The following TOX variants were observed in gnomAD, a reference collection of about 807,000 sequenced individuals.
The protein encoded by TOX is thymocyte selection associated high mobility group box, also known as thymocyte selection-associated high mobility group box protein TOX.
In TOX, 11 loss-of-function variants were observed where a neutral mutation model predicts 53.7. The observed-to-expected ratio is 0.20, with a 90% confidence interval of 0.13 to 0.34. TOX has a LOEUF of 0.34. Among genes scored for constraint, TOX ranks in the 10% least tolerant of loss-of-function variants. The probability of loss-of-function intolerance (pLI) is 1.00; values close to 1 mark genes in which losing one functional copy is unlikely to be tolerated. For missense variants in TOX, 570 were observed against 664.6 expected, an observed-to-expected ratio of 0.86 and a Z score of 1.56; for synonymous variants, 225 against 245.3, an observed-to-expected ratio of 0.92 and a Z score of 0.77.
intron 3 of TOX, among the ~76,000 whole-genome samples, chr8:58,892,668 T>G (rs772533550): frequency 6.6e-6 from 1 of 152,190 alleles, no homozygotes; most frequent in Non-Finnish European, 1.5e-5. Context: ...TTGAGTCACA[T>G]GCAGCCTGTG....
intron 1 of TOX, among the ~76,000 whole-genome samples, chr8:59,049,132 T>G (rs995115026): frequency 5.3e-5 from 8 of 149,986 alleles, no homozygotes; most frequent in African/African-American, 1.9e-4. Context: ...GCTGGTGATA[T>G]AAGAAAACAT....
intron 1 of TOX, among the ~76,000 whole-genome samples, chr8:59,055,290 G>A (rs1245514679): frequency 6.6e-6 from 1 of 152,164 alleles, no homozygotes; most frequent in African/African-American, 2.4e-5. Context: ...TTAGCACACA[G>A]GGACTCAATG....
chr8:59,029,991 TAACTTGC>T (rs1814324335), intron 1 of TOX, among the ~76,000 whole-genome samples: 2 of 152,098 alleles, frequency 1.3e-5, no homozygotes, highest in African/African-American at 4.8e-5. Flanking sequence ...AAAATGGAGG[TAACTTGC>T]AACGTTTGAG....
At chr8:58,878,929 C>A (rs770366473) in intron 3 of TOX, among the ~76,000 whole-genome samples, 3 of 151,684 alleles carry the variant, frequency 2.0e-5, no homozygotes, top group Non-Finnish European at 4.4e-5. Context: ...GGTGTGGTGG[C>A]GCAAACCTGT....
chr8:58,864,471 A>G (rs956110785), intron 3 of TOX, among the ~76,000 whole-genome samples: 4 of 152,206 alleles, frequency 2.6e-5, no homozygotes, highest in South Asian at 2.1e-4. Flanking sequence ...CCAGTCCCCA[A>G]ATATGGGCCT....
At chr8:58,925,808 G>C (rs1401279416) in intron 3 of TOX, among the ~76,000 whole-genome samples, 2 of 152,022 alleles carry the variant, frequency 1.3e-5, no homozygotes, top group Admixed American at 6.6e-5. Flanking sequence ...AGTATACTGC[G>C]CTCTGAGAAA....
chr8:59,096,710 A>G (rs1804716854), intron 1 of TOX, among the ~76,000 whole-genome samples: 1 of 152,204 alleles, frequency 6.6e-6, no homozygotes, highest in Non-Finnish European at 1.5e-5. Context: ...AGACTCGCCT[A>G]TGATTCCTCC....
intron 1 of TOX, among the ~76,000 whole-genome samples, chr8:58,984,588 C>T (rs141534673): frequency 1.6e-3 from 244 of 151,924 alleles, no homozygotes; most frequent in Admixed American, 8.0e-3. Flanking sequence ...GTCAGGAGAT[C>T]GACACCACAG....
intron 3 of TOX, among the ~76,000 whole-genome samples, chr8:58,890,721 G>C (rs2129171845): frequency 6.6e-6 from 1 of 152,222 alleles, no homozygotes; most frequent in South Asian, 2.1e-4. Context: ...AGAGGTGCTA[G>C]CAGAAAACCC....
At chr8:58,935,032 TTG>T (rs1273886593) in intron 3 of TOX, among the ~76,000 whole-genome samples, 9 of 152,222 alleles carry the variant, frequency 5.9e-5, no homozygotes, top group African/African-American at 2.2e-4. Flanking sequence ...GACTAAATTG[TTG>T]ATGTCTAATA....
intron 6 of TOX, among the ~76,000 whole-genome samples, chr8:58,816,367 ATC>A (rs1293040489): frequency 6.6e-6 from 1 of 152,218 alleles, no homozygotes; most frequent in East Asian, 1.9e-4. Context: ...GATAAAAATA[ATC>A]TCTCTTAGAA....
At chr8:59,055,581 T>G (rs569808179) in intron 1 of TOX, among the ~76,000 whole-genome samples, 1 of 152,092 alleles carries the variant, frequency 6.6e-6, no homozygotes, top group Non-Finnish European at 1.5e-5. Context: ...CCACTACATA[T>G]GGGAAATTTA....
intron 3 of TOX, among the ~76,000 whole-genome samples, chr8:58,926,759 A>G (rs1364140577): frequency 6.6e-6 from 1 of 152,194 alleles, no homozygotes; most frequent in African/African-American, 2.4e-5. Context: ...AATGTGGTAA[A>G]TGGCGGAGAC....
At position 59,117,500 on chromosome 8, in the gene TOX, A is replaced by G. The variant is rs1805123380; in HGVS notation, c.102+1386T>C. ...GTCCTTTGAGTGGGTCTCACACTGG[A>G]CACAGCATCGAGGAGCTTCTCCACG... On this transcript the variant is annotated intron_variant, in intron 1 of 8. Coordinates refer to ENST00000361421, the MANE Select transcript of TOX (RefSeq NM_014729.3). The surrounding 1 kb of genome is among the most constrained non-coding windows in gnomAD (Gnocchi z 4.6). Among the ~76,000 whole-genome samples, 1 of 152,204 alleles carries G rather than the reference A, an allele frequency of 6.6e-6. No homozygotes were observed. The highest frequency in any genetic ancestry group is 6.5e-5 in the Admixed American group (1 of 15,286).
At chr8:59,101,545 T>C (rs1005664255) in intron 1 of TOX, among the ~76,000 whole-genome samples, 9 of 152,244 alleles carry the variant, frequency 5.9e-5, no homozygotes, top group African/African-American at 2.2e-4. Context: ...ATAGTATTCA[T>C]TCTCCTAGAC....
chr8:59,099,770 T>A (rs1296757059), intron 1 of TOX, among the ~76,000 whole-genome samples: 1 of 152,210 alleles, frequency 6.6e-6, no homozygotes, highest in East Asian at 1.9e-4. Flanking sequence ...GTTGTTGTAA[T>A]GTAATTACAG....
intron 1 of TOX, among the ~76,000 whole-genome samples, chr8:59,013,567 T>C (rs1050720413): frequency 3.3e-5 from 5 of 152,082 alleles, no homozygotes; most frequent in Non-Finnish European, 7.4e-5. Context: ...CGAGCCACCA[T>C]GCCCAGCTTA....
At chr8:58,868,409 T>A (rs764925703) in intron 3 of TOX, among the ~76,000 whole-genome samples, 1 of 152,182 alleles carries the variant, frequency 6.6e-6, no homozygotes, top group Non-Finnish European at 1.5e-5. Context: ...GGTGGACTAA[T>A]GAGAAAGTTA....
At chr8:58,939,236 T>G in intron 3 of TOX, 66 bp downstream of exon 3, 2 of 1,578,180 alleles carry the variant, frequency 1.3e-6, no homozygotes, top group Non-Finnish European at 8.6e-7. Flanking sequence ...GGCCCTCGCA[T>G]GAACTTGGTC....
Sources: gnomAD v4.1 joint callset for allele counts (sites outside exome capture counted in the v4.1 genomes callset) on GRCh38, gnomAD v4.1.1 for gene constraint, Gnocchi (gnomAD v3.1) non-coding constraint, MANE v1.5 for transcripts, NCBI Gene and HGNC (gene_info 2026-07-23, HGNC 2026-07-21) for gene names.